The following SLC44A3 variants were observed in gnomAD, a reference collection of about 807,000 sequenced individuals.
SLC44A3 encodes choline transporter-like protein 3.
SLC44A3 carries 74 observed loss-of-function variants against 75.4 expected under a neutral mutation model. The ratio of observed to expected loss-of-function variants is 0.98; its 90% CI spans 0.81 to 1.19. The LOEUF is 1.19. Ranked by LOEUF, SLC44A3 falls within the 50% of genes most tolerant of loss-of-function variation. SLC44A3 has a pLI of 0.00. For synonymous variants in SLC44A3, 310 were observed against 296.9 expected, an observed-to-expected ratio of 1.04 and a Z score of -0.45; for missense variants, 700 against 778.6, an observed-to-expected ratio of 0.90 and a Z score of 1.20.
chr1:94,890,166 A>G (rs891656348), intron 12 of SLC44A3, among the ~76,000 whole-genome samples: 1 of 152,084 alleles, frequency 6.6e-6, no homozygotes, highest in African/African-American at 2.4e-5. Context: ...TAGAATTTCT[A>G]TTCAATTTGT....
intron 2 of SLC44A3, among the ~76,000 whole-genome samples, chr1:94,824,163 G>T (rs1183074118): frequency 6.6e-6 from 1 of 151,664 alleles, no homozygotes. Context: ...AACATCAAGG[G>T]AAGAAAAATT....
chr1:94,827,402 G>A (rs1040997735), intron 3 of SLC44A3, 105 bp from the exon 4 acceptor site: 14 of 1,393,918 alleles, frequency 1.0e-5, no homozygotes, highest in Non-Finnish European at 1.0e-6. Context: ...AGTGTGCCTG[G>A]GTGATCCCTG....
chr1:94,827,084 T>C (rs368695132), intron 3 of SLC44A3, among the ~76,000 whole-genome samples: 7 of 152,306 alleles, frequency 4.6e-5, no homozygotes, highest in African/African-American at 1.7e-4. Context: ...CCTTTCCACT[T>C]CTCACTTCCC....
intron 3 of SLC44A3, 159 bp from the exon 4 acceptor site, chr1:94,827,348 C>G: frequency 1.2e-6 from 1 of 829,586 alleles, no homozygotes; most frequent in Non-Finnish European, 1.9e-6. Flanking sequence ...GGATGACCAC[C>G]AGTAGGCATC....
chr1:94,868,892 C>T (rs1667460700), intron 12 of SLC44A3, among the ~76,000 whole-genome samples: 1 of 152,270 alleles, frequency 6.6e-6, no homozygotes, highest in African/African-American at 2.4e-5. Context: ...ATACTGGCCC[C>T]TGGAAGCCTA....
intron 5 of SLC44A3, among the ~76,000 whole-genome samples, chr1:94,831,280 G>GA (rs1225417650): frequency 1.3e-5 from 2 of 152,194 alleles, no homozygotes; most frequent in Non-Finnish European, 2.9e-5. Context: ...AAGAGAGAGA[G>GA]AAATAGCCTC....
chr1:94,858,097 C>T lies in SLC44A3; in HGVS notation c.1238+597C>T, dbSNP rs994872223. Among the ~76,000 whole-genome samples, 5 of 151,830 alleles carry T rather than the reference C, an allele frequency of 3.3e-5. No individual in the cohort carries two copies. The East Asian group carries it at 9.6e-4, about 29-fold the overall frequency. On this transcript the variant is annotated intron_variant, in intron 10 of 14. Coordinates refer to ENST00000271227, the MANE Select transcript of SLC44A3 (RefSeq NM_001114106.3). The stretch of plus-strand genomic sequence containing the variant: ...AAAGTGCTGGGATTACAGGTGTGAG[C>T]CACCGCACCTGGCTGCCATTCTTTT...
At chr1:94,841,451 T>C (rs1379951597) in intron 7 of SLC44A3, among the ~76,000 whole-genome samples, 1 of 152,138 alleles carries the variant, frequency 6.6e-6, no homozygotes, top group Non-Finnish European at 1.5e-5. Flanking sequence ...AACCTTCCTA[T>C]AGTTACTGTG....
At chr1:94,852,302 C>G (rs1348350799) in intron 9 of SLC44A3, among the ~76,000 whole-genome samples, 1 of 152,004 alleles carries the variant, frequency 6.6e-6, no homozygotes, top group African/African-American at 2.4e-5. Context: ...CATGAGGGGG[C>G]AGGGTGTCAT....
chr1:94,891,290 AGGAGCCTG>A, intron 13 of SLC44A3, 23 bp downstream of exon 13: 1 of 1,580,724 alleles, frequency 6.3e-7, no homozygotes, highest in South Asian at 1.2e-5. Context: ...GACTAAATAA[AGGAGCCTG>A]GGATTCTGAA....
chr1:94,840,283 CTTTTTTTTTT>C lies in SLC44A3; in HGVS notation c.760+261_760+270del, dbSNP rs56383271. ...TTCTTTTCTTTTCTTTTTCTTTTTC[CTTTTTTTTTT>C]TTTTTTTTTTTTTTGAGGCAGGCTC... is the stretch of plus-strand genomic sequence containing the variant. On this transcript the variant is annotated intron_variant, in intron 7 of 14. Transcript: ENST00000271227. 3.9e-5 allele frequency among the ~76,000 whole-genome samples: 3 copies of C among 77,360 alleles called. No homozygotes were observed. In the East Asian group the frequency reaches 1.3e-3, roughly 35 times the overall value. The allele number at this position is 77,360 out of a possible 152,430, so 50.8% of individuals were successfully genotyped here.
intron 12 of SLC44A3, among the ~76,000 whole-genome samples, chr1:94,873,459 A>C (rs1184179093): frequency 6.6e-6 from 1 of 152,062 alleles, no homozygotes; most frequent in Non-Finnish European, 1.5e-5. Context: ...GCAGAGAAAA[A>C]CCTGCTGCTT....
chr1:94,833,919 TAAG>T (rs1461732343), intron 5 of SLC44A3, among the ~76,000 whole-genome samples: 1 of 152,130 alleles, frequency 6.6e-6, no homozygotes, highest in Non-Finnish European at 1.5e-5. Context: ...AAATGACTAA[TAAG>T]GAGCTGATGT....
chr1:94,875,880 A>G (rs1039269216), intron 12 of SLC44A3, among the ~76,000 whole-genome samples: 2 of 152,342 alleles, frequency 1.3e-5, no homozygotes, highest in Non-Finnish European at 2.9e-5. Flanking sequence ...GACATGTTCT[A>G]GGTACACTGG....
intron 7 of SLC44A3, 97 bp from the exon 8 acceptor site, chr1:94,841,903 G>T (rs1053365329): frequency 4.1e-6 from 6 of 1,454,434 alleles, no homozygotes; most frequent in Non-Finnish European, 5.5e-6. Flanking sequence ...CCACGCGGCC[G>T]GTGGGCAGTG....
chr1:94,841,268 C>T (rs1663606032), intron 7 of SLC44A3, among the ~76,000 whole-genome samples: 1 of 152,172 alleles, frequency 6.6e-6, no homozygotes, highest in Non-Finnish European at 1.5e-5. Flanking sequence ...CATTGTTGAT[C>T]AAAATGTCAT....
chr1:94,879,564 G>T (rs909336756), intron 12 of SLC44A3, among the ~76,000 whole-genome samples: 1 of 149,944 alleles, frequency 6.7e-6, no homozygotes, highest in Non-Finnish European at 1.5e-5. Context: ...AAAAGGCTGG[G>T]CGCAGTGGTT....
chr1:94,824,083 A>G (rs1303963615), intron 2 of SLC44A3, among the ~76,000 whole-genome samples: 1 of 152,186 alleles, frequency 6.6e-6, no homozygotes, highest in East Asian at 1.9e-4. Context: ...AAAAACAAAA[A>G]AAGTAGTAGA....
At chr1:94,834,221 ATGGCAGGTTC>A (rs139199456) in intron 5 of SLC44A3, among the ~76,000 whole-genome samples, 28,902 of 151,986 alleles carry the variant, frequency 0.19, 2,820 homozygotes, top group South Asian at 0.26. Flanking sequence ...CTTTGGAGAA[ATGGCAGGTTC>A]TAGGACTTGG....
Sources: allele counts gnomAD v4.1 joint callset (sites outside exome capture counted in the v4.1 genomes callset), GRCh38; gene constraint gnomAD v4.1.1; transcripts MANE v1.5; gene names NCBI Gene and HGNC (gene_info 2026-07-23, HGNC 2026-07-21).